METTL16: variants seen among roughly 807,000 people sequenced by gnomAD.
METTL16 encodes the protein RNA N(6)-adenosine-methyltransferase METTL16.
A neutral mutation model predicts 57.9 loss-of-function variants in METTL16; 19 were observed. The ratio of observed to expected loss-of-function variants is 0.33; its 90% CI spans 0.23 to 0.48. The LOEUF is 0.48. Among genes scored for constraint, METTL16 ranks in the 20% least tolerant of loss-of-function variants. The probability of loss-of-function intolerance (pLI) is 0.99; values close to 1 mark genes in which losing one functional copy is unlikely to be tolerated. For synonymous variants in METTL16, 246 were observed against 255.6 expected, an observed-to-expected ratio of 0.96 and a Z score of 0.36; for missense variants, 434 against 691.5, an observed-to-expected ratio of 0.63 and a Z score of 4.18.
chr17:2,437,150 G>A (rs2066914727), intron 8 of METTL16, among the ~76,000 whole-genome samples: 1 of 152,140 alleles, frequency 6.6e-6, no homozygotes, highest in Non-Finnish European at 1.5e-5. Flanking sequence ...CCAAAGTGTT[G>A]AGATCACAGG....
At chr17:2,467,982 G>T in intron 4 of METTL16, 106 bp from the exon 5 acceptor site, 2 of 743,324 alleles carry the variant, frequency 2.7e-6, no homozygotes, top group South Asian at 1.6e-5. Flanking sequence ...ATATGATGGT[G>T]GTCCCGTAAG....
In METTL16 at chr17:2,502,250, G is replaced by A; in HGVS notation, c.82C>T (p.Pro28Ser). 2 of 1,613,742 alleles carry A rather than the reference G, an allele frequency of 1.2e-6. No homozygotes were observed. Among genetic ancestry groups the A allele is most frequent in the Non-Finnish European group, 1.7e-6 (2 of 1,179,822 alleles). Residue 28 changes from proline to serine, a missense_variant, in exon 2 of 10, where the codon CCA (proline) becomes TCA (serine). By Grantham distance (74) the Pro-to-Ser change is moderately conservative (BLOSUM62 -1). This residue lies in a region of METTL16 where 118 missense variants were observed against 280.0 expected (regional missense o/e 0.42). Transcript: ENST00000263092. ...ATCTGAACATGCTGCTTAAAATCTGGATATTTGGATGCCAGATATGCAAAG... is the reference window on the plus strand; with the variant it reads ...ATCTGAACATGCTGCTTAAAATCTGAATATTTGGATGCCAGATATGCAAAG... ...PDFAYLASKY[P>S]DFKQHVQINL...
intron 8 of METTL16, among the ~76,000 whole-genome samples, chr17:2,427,089 T>TGA (rs1479949766): frequency 6.6e-6 from 1 of 152,044 alleles, no homozygotes; most frequent in African/African-American, 2.4e-5. Context: ...GGGCCTGCAG[T>TGA]GAGCCGACAT....
chr17:2,430,501 C>T (rs1027462933), intron 8 of METTL16, among the ~76,000 whole-genome samples: 3 of 147,246 alleles, frequency 2.0e-5, no homozygotes, highest in Non-Finnish European at 4.5e-5. Flanking sequence ...CTGCAAGCTC[C>T]GCCTCCCGGG....
chr17:2,426,746 A>AG (rs1218198030), intron 8 of METTL16, among the ~76,000 whole-genome samples: 2 of 151,396 alleles, frequency 1.3e-5, no homozygotes, highest in African/African-American at 4.8e-5. Context: ...AAAAAAAAAA[A>AG]AAAAAAGTAA....
intron 2 of METTL16, among the ~76,000 whole-genome samples, chr17:2,480,137 G>A (rs1444815578): frequency 6.8e-6 from 1 of 147,210 alleles, no homozygotes; most frequent in Non-Finnish European, 1.5e-5. Flanking sequence ...AGTGAGCCGA[G>A]ACTGTGCCAC....
At chr17:2,482,835 C>T (rs1189076349) in intron 2 of METTL16, among the ~76,000 whole-genome samples, 1 of 152,084 alleles carries the variant, frequency 6.6e-6, no homozygotes, top group African/African-American at 2.4e-5. Context: ...CACTTGAGCC[C>T]AGGAGATCAA....
chr17:2,502,057 T>G, intron 2 of METTL16, 147 bp downstream of exon 2: 3 of 723,322 alleles, frequency 4.1e-6, no homozygotes, highest in Non-Finnish European at 6.6e-6. Context: ...ATTAAAAAGC[T>G]GAGACCAAGA....
chr17:2,455,737 T>G (rs1312046770), intron 6 of METTL16, among the ~76,000 whole-genome samples: 1 of 152,088 alleles, frequency 6.6e-6, no homozygotes, highest in African/African-American at 2.4e-5. Flanking sequence ...CCCAGAACTC[T>G]AGGAAGCCAA....
intron 1 of METTL16, among the ~76,000 whole-genome samples, chr17:2,508,590 C>T (rs563427015): frequency 7.9e-5 from 12 of 152,112 alleles, no homozygotes; most frequent in Non-Finnish European, 1.6e-4. Context: ...CACTTTTCAC[C>T]CTTCACAACA....
At chr17:2,425,254 T>C (rs1002219886) in intron 8 of METTL16, among the ~76,000 whole-genome samples, 16 of 152,194 alleles carry the variant, frequency 1.1e-4, no homozygotes, top group African/African-American at 3.6e-4. Flanking sequence ...ATCCTTATAA[T>C]TGCAAAACAC....
At chr17:2,450,267 C>T (rs188838071) in intron 6 of METTL16, among the ~76,000 whole-genome samples, 1 of 152,310 alleles carries the variant, frequency 6.6e-6, no homozygotes, top group Admixed American at 6.5e-5. Context: ...GTATACTCAG[C>T]CTATTTAGCA....
intron 4 of METTL16, among the ~76,000 whole-genome samples, chr17:2,472,975 G>A (rs1401153360): frequency 6.6e-6 from 1 of 152,022 alleles, no homozygotes; most frequent in African/African-American, 2.4e-5. Context: ...AGAGGAAACC[G>A]TAATGTAAAG....
At chr17:2,475,962 G>A (rs541474165) in intron 3 of METTL16, among the ~76,000 whole-genome samples, 1 of 152,370 alleles carries the variant, frequency 6.6e-6, no homozygotes, top group South Asian at 2.1e-4. Flanking sequence ...CTGAGAAGCA[G>A]AAGAGGTGAG....
At position 2,485,465 on chromosome 17, in the gene METTL16, C is replaced by G. The variant is rs79626617; in HGVS notation, c.129-7580G>C. On this transcript the variant is annotated intron_variant, in intron 2 of 9. Transcript: ENST00000263092. Reference sequence around the variant, plus strand: ...CATGAAAAAATTGTCATCCGTGAAACTGGTCCCTGGTGCCAAAAAGGTTGG... The same window carrying G: ...CATGAAAAAATTGTCATCCGTGAAAGTGGTCCCTGGTGCCAAAAAGGTTGG... Among the ~76,000 whole-genome samples, 32 of 152,288 alleles carry G rather than the reference C, an allele frequency of 2.1e-4. 1 individual carries two copies. In the East Asian group the frequency reaches 6.2e-3, roughly 29 times the overall value.
chr17:2,447,354 G>A (rs1436649130), intron 6 of METTL16, among the ~76,000 whole-genome samples: 1 of 135,666 alleles, frequency 7.4e-6, no homozygotes, highest in Non-Finnish European at 1.5e-5. Flanking sequence ...CAACCGCCCC[G>A]TCTGAGAAGT....
chr17:2,444,895 T>C (rs1156603553), intron 6 of METTL16, among the ~76,000 whole-genome samples: 4 of 152,068 alleles, frequency 2.6e-5, no homozygotes, highest in African/African-American at 4.8e-5. Context: ...TTTGTATTTT[T>C]AGTAGTGACA....
chr17:2,480,337 T>C (rs566651646), intron 2 of METTL16, among the ~76,000 whole-genome samples: 1 of 152,312 alleles, frequency 6.6e-6, no homozygotes, highest in Admixed American at 6.5e-5. Flanking sequence ...TATAATGATT[T>C]CGTCTGACCT....
intron 2 of METTL16, among the ~76,000 whole-genome samples, chr17:2,488,640 A>T (rs1324434171): frequency 6.6e-6 from 1 of 152,216 alleles, no homozygotes; most frequent in African/African-American, 2.4e-5. Flanking sequence ...GTCTTTGAGG[A>T]TATCAAGCTA....
Sources: allele counts gnomAD v4.1 joint callset (sites outside exome capture counted in the v4.1 genomes callset), GRCh38; gene constraint gnomAD v4.1.1; regional missense constraint gnomAD v4.1.1; transcripts MANE v1.5; gene names NCBI Gene and HGNC (gene_info 2026-07-23, HGNC 2026-07-21).